The following CHRM2 variants were observed in gnomAD, a reference collection of about 807,000 sequenced individuals.
CHRM2 encodes the protein cholinergic receptor muscarinic 2.
A neutral mutation model predicts 25.0 loss-of-function variants in CHRM2; 8 were observed. The observed-to-expected ratio is 0.32, with a 90% CI of 0.19 to 0.58. The LOEUF (loss-of-function observed/expected upper bound fraction) is 0.58. Ranked by LOEUF, CHRM2 falls within the 20% of genes least tolerant of loss-of-function variation. The pLI is 0.88. For synonymous variants in CHRM2, 202 were observed against 205.7 expected (o/e 0.98, Z 0.15); for missense variants, 440 against 567.1 (o/e 0.78, Z 2.28).
chr7:136,904,214 A>G (rs1182848869), intron 2 of CHRM2, among the ~76,000 whole-genome samples: 4 of 151,914 alleles, frequency 2.6e-5, no homozygotes, highest in Non-Finnish European at 4.4e-5. Flanking sequence ...TGAAAATTTT[A>G]CATAGAACGA....
chr7:136,903,453 G>A (rs1797351023), intron 2 of CHRM2: 1 of 240,980 alleles, frequency 4.1e-6, no homozygotes, highest in Non-Finnish European at 8.3e-6. Context: ...TAGAGCTGGT[G>A]TCACAATGTA....
At chr7:136,990,278 A>G (rs1803132462) in intron 2 of CHRM2, among the ~76,000 whole-genome samples, 1 of 152,064 alleles carries the variant, frequency 6.6e-6, no homozygotes, top group African/African-American at 2.4e-5. Context: ...TGTACTTTCT[A>G]TGAGCTTAGA....
At position 137,016,481 on chromosome 7, in the gene CHRM2, C is replaced by A. The variant is rs921526947; in HGVS notation, c.*215C>A. On this transcript the variant is annotated 3_prime_UTR_variant, in exon 4 of 4. Transcript: ENST00000680005. ...ACTGTCAGTATTAGGAGCAATGAGACAATGAAAGAAACATGTTGGGATCGT... is the reference window on the plus strand; with the variant it reads ...ACTGTCAGTATTAGGAGCAATGAGAAAATGAAAGAAACATGTTGGGATCGT... The A allele has an allele frequency of 5.3e-6, 3 of 563,596 alleles. No individual in the cohort carries two copies. The Admixed American group carries it at 9.3e-5, about 17-fold the overall frequency. The allele number at this position is 563,596 out of a possible 1,614,324, so 34.9% of individuals were successfully genotyped here.
chr7:136,877,334 A>C lies in CHRM2; in HGVS notation c.-125+7916A>C, dbSNP rs529601038. Among the ~76,000 whole-genome samples the C allele has an allele frequency of 2.7e-3, 405 of 152,202 alleles. 1 individual carries two copies. The highest frequency in any genetic ancestry group is 0.014 in the Middle Eastern group (4 of 294). ...ATACCTGTGTGTTTAGATGGGACAC[A>C]GTCCCATTTGCATACAATATGTCCT... On this transcript the variant is annotated intron_variant, in intron 2 of 3. Coordinates refer to ENST00000680005, the MANE Select transcript of CHRM2 (RefSeq NM_001006630.2).
chr7:136,966,832 C>G (rs1801446668), intron 2 of CHRM2, among the ~76,000 whole-genome samples: 2 of 151,666 alleles, frequency 1.3e-5, no homozygotes. Context: ...TCTATGGAAT[C>G]AGTGTCAAAA....
At chr7:136,968,540 G>T (rs946423512) in intron 2 of CHRM2, among the ~76,000 whole-genome samples, 2 of 151,446 alleles carry the variant, frequency 1.3e-5, no homozygotes, top group East Asian at 1.9e-4. Context: ...ATATCCAAAG[G>T]AACTAATATC....
At chr7:136,930,371 C>T (rs1169405119) in intron 2 of CHRM2, among the ~76,000 whole-genome samples, 1 of 152,074 alleles carries the variant, frequency 6.6e-6, no homozygotes, top group Non-Finnish European at 1.5e-5. Flanking sequence ...AAGCATCTTA[C>T]ATGTCTTAAC....
intron 2 of CHRM2, among the ~76,000 whole-genome samples, chr7:136,971,356 C>T (rs1801755010): frequency 6.6e-6 from 1 of 152,062 alleles, no homozygotes; most frequent in South Asian, 2.1e-4. Flanking sequence ...ACTTGCTGGC[C>T]TGCAATCCCA....
intron 2 of CHRM2, among the ~76,000 whole-genome samples, chr7:136,964,846 C>T (rs928897799): frequency 2.6e-5 from 4 of 152,044 alleles, no homozygotes; most frequent in African/African-American, 9.7e-5. Flanking sequence ...TTAAAGTGTC[C>T]AAAACTAACA....
intron 2 of CHRM2, among the ~76,000 whole-genome samples, chr7:136,879,476 C>T (rs922029806): frequency 6.6e-6 from 1 of 151,908 alleles, no homozygotes; most frequent in African/African-American, 2.4e-5. Context: ...TTTGCATGCC[C>T]CCATATCTTC....
chr7:136,963,385 C>T (rs914450405), intron 2 of CHRM2, among the ~76,000 whole-genome samples: 3 of 152,046 alleles, frequency 2.0e-5, no homozygotes, highest in African/African-American at 4.8e-5. Flanking sequence ...TCTTGAGGAA[C>T]TTACAATTCA....
intron 2 of CHRM2, among the ~76,000 whole-genome samples, chr7:136,913,295 CCTAT>C (rs1797940931): frequency 6.6e-6 from 1 of 151,772 alleles, no homozygotes; most frequent in Non-Finnish European, 1.5e-5. Context: ...AATGGATTAG[CCTAT>C]CTATTATTCA....
chr7:136,895,473 T>G (rs936957016), intron 2 of CHRM2, among the ~76,000 whole-genome samples: 10 of 152,352 alleles, frequency 6.6e-5, no homozygotes, highest in African/African-American at 2.4e-4. Flanking sequence ...GTAGGACTGA[T>G]AGGCAAGTTC....
In CHRM2 at chr7:136,996,281, G is replaced by A. The variant is rs537363233; in HGVS notation, c.-47+4017G>A. Among the ~76,000 whole-genome samples, 4 of 151,948 alleles carry A rather than the reference G, an allele frequency of 2.6e-5. 1 individual carries two copies. The highest frequency in any genetic ancestry group is 9.6e-5 in the African/African-American group (4 of 41,488). ...TTTTTAAATGATATCACAAAAATAA[G>A]TATCAATAGATATAACACATGTAAA... On this transcript the variant is annotated intron_variant, in intron 3 of 3. Transcript: ENST00000680005.
chr7:136,883,987 T>C (rs1206301042), intron 2 of CHRM2, among the ~76,000 whole-genome samples: 2 of 152,188 alleles, frequency 1.3e-5, no homozygotes, highest in African/African-American at 4.8e-5. Context: ...TTTTTCCTAC[T>C]GAATTGCCTG....
chr7:136,921,794 C>CTTTCTTTTTTTTTTTTTTTTTTTTTT (rs776923730), intron 2 of CHRM2, among the ~76,000 whole-genome samples: 2 of 116,534 alleles, frequency 1.7e-5, no homozygotes, highest in Non-Finnish European at 4.1e-5. Flanking sequence ...TTCTTTCTTT[C>CTTTCTTTTTTTTTTTTTTTTTTTTTT]TTTTTTTTGA....
chr7:136,955,592 A>G (rs1800676581), intron 2 of CHRM2, among the ~76,000 whole-genome samples: 1 of 152,138 alleles, frequency 6.6e-6, no homozygotes, highest in African/African-American at 2.4e-5. Flanking sequence ...TTCAAAAGGA[A>G]TGTCCTGGCC....
intron 2 of CHRM2, among the ~76,000 whole-genome samples, chr7:136,895,025 A>C (rs1584710234): frequency 6.6e-6 from 1 of 152,294 alleles, no homozygotes; most frequent in Non-Finnish European, 1.5e-5. Context: ...GTACCTATGC[A>C]TCTCTTTGCA....
intron 2 of CHRM2, among the ~76,000 whole-genome samples, chr7:136,910,830 T>TGTGTGTGAGA (rs377403672): frequency 6.7e-6 from 1 of 149,614 alleles, no homozygotes; most frequent in Non-Finnish European, 1.5e-5. Context: ...TGTGTGTGTG[T>TGTGTGTGAGA]GAGAGAGAGA....
Sources: gnomAD v4.1 joint callset for allele counts (sites outside exome capture counted in the v4.1 genomes callset) on GRCh38, gnomAD v4.1.1 for gene constraint, MANE v1.5 for transcripts, NCBI Gene and HGNC (gene_info 2026-07-23, HGNC 2026-07-21) for gene names.